Variants in EFR3B observed in about 807,000 individuals in gnomAD.
The protein encoded by EFR3B is EFR3 homolog B, also known as protein EFR3 homolog B.
Under a neutral mutation model 104.7 loss-of-function variants are expected in EFR3B, and 64 were observed. The ratio of observed to expected loss-of-function variants is 0.61; its 90% CI spans 0.50 to 0.75. The LOEUF (loss-of-function observed/expected upper bound fraction) is 0.75, where lower values mean the gene tolerates loss of function less well. Among genes scored for constraint, EFR3B ranks in the 30% least tolerant of loss-of-function variants. The probability of loss-of-function intolerance (pLI) is 0.00; values close to 1 mark genes in which losing one functional copy is unlikely to be tolerated. For synonymous variants in EFR3B, 385 were observed against 417.9 expected (o/e 0.92, Z 0.96); for missense variants, 750 against 1,078.5 (o/e 0.70, Z 4.27).
Position 25,114,952 on chromosome 2 carries a change from A to G in EFR3B, c.364-6721A>G. ...TGTAATCCCAGCACTTTGGGAAGCC[A>G]AGCTGGGTGGATCACTTGAGCCCAG... On this transcript the variant is annotated intron_variant, in intron 4 of 22. Transcript: ENST00000403714. This position sits in a 1 kb window ranked among gnomAD's most constrained non-coding sequence, Gnocchi z 4.0. 6.6e-6 allele frequency among the ~76,000 whole-genome samples: 1 copy of G among 152,172 alleles called. No homozygotes were observed. The highest frequency in any genetic ancestry group is 2.1e-4 in the South Asian group (1 of 4,832).
chr2:25,144,070 G>A (rs62143010), intron 18 of EFR3B, among the ~76,000 whole-genome samples: 1 of 152,166 alleles, frequency 6.6e-6, no homozygotes, highest in Non-Finnish European at 1.5e-5. Context: ...GAAGTACCTG[G>A]CCCATGAGAT....
rs1490867998 is a variant in EFR3B, at chr2:25,154,370, T to TG, written c.*34dup. 7.7e-5 allele frequency: 119 copies of TG among 1,543,690 alleles called. No individual in the cohort carries two copies. Among genetic ancestry groups the TG allele is most frequent in the Non-Finnish European group, 1.0e-4 (114 of 1,139,704 alleles). ...CAAGAGCCTGAGCTCCTCAAGGAGA[T>TG]GGGGTCTGAGGAGGGGCTCACCTCA... is the stretch of plus-strand genomic sequence containing the variant. On this transcript the variant is annotated 3_prime_UTR_variant, in exon 23 of 23. Transcript: ENST00000403714. This position sits in a 1 kb window ranked among gnomAD's most constrained non-coding sequence, Gnocchi z 4.1.
intron 3 of EFR3B, among the ~76,000 whole-genome samples, chr2:25,101,272 G>A (rs1182232604): frequency 6.6e-6 from 1 of 152,178 alleles, no homozygotes; most frequent in African/African-American, 2.4e-5. Context: ...GAAAGAGAAA[G>A]GACACAGAGG....
intron 1 of EFR3B, among the ~76,000 whole-genome samples, chr2:25,072,181 C>T (rs752067088): frequency 5.3e-5 from 8 of 152,236 alleles, no homozygotes; most frequent in Non-Finnish European, 1.2e-4. Context: ...TGCGTGTTGG[C>T]AGTTGTGGAC....
rs1008084050 is a variant in EFR3B, at chr2:25,158,334, G to A, written c.*3994G>A. The A allele has an allele frequency of 6.6e-6, 1 of 152,404 alleles. No homozygotes were observed. Among genetic ancestry groups the A allele is most frequent in the South Asian group, 2.1e-4 (1 of 4,834 alleles). The allele number at this position is 152,404 out of a possible 1,614,324, so 9.4% of individuals were successfully genotyped here. ...CACTAGGTTTAAAGGTAGACAGGGA[G>A]ATGGCATCATCAGGGCAGGCCAGGC... On this transcript the variant is annotated 3_prime_UTR_variant, in exon 23 of 23. Transcript: ENST00000403714.
Position 25,042,850 on chromosome 2 carries a change from C to G in EFR3B, c.7+531C>G, listed in dbSNP as rs144351091. On this transcript the variant is annotated intron_variant, in intron 1 of 22. Transcript: ENST00000403714. This position sits in a 1 kb window ranked among gnomAD's most constrained non-coding sequence, Gnocchi z 5.4. ...GGACTCGGCCTCTGCCTGCCCCTGCCGCCCCGCGGGATCCAGGTTCACCAA... is the reference window on the plus strand; with the variant it reads ...GGACTCGGCCTCTGCCTGCCCCTGCGGCCCCGCGGGATCCAGGTTCACCAA... Among the ~76,000 whole-genome samples, 2 of 152,178 alleles carry G rather than the reference C, an allele frequency of 1.3e-5. No individual in the cohort carries two copies. The highest frequency in any genetic ancestry group is 2.9e-5 in the Non-Finnish European group (2 of 68,004).
chr2:25,131,918 C>CGCGGGGCCGGGGCGGG lies in EFR3B; in HGVS notation c.1147+18_1147+19insGCGGGGCGGGGCCGGG. 8.3e-7 allele frequency: 1 copy of CGCGGGGCCGGGGCGGG among 1,206,512 alleles called. No homozygotes were observed. Among genetic ancestry groups the CGCGGGGCCGGGGCGGG allele is most frequent in the Non-Finnish European group, 1.1e-6 (1 of 939,736 alleles). 74.7% of individuals were successfully genotyped at this position (1,206,512 alleles called of 1,614,324 possible). ...GCCGTCATCAAGACCGTGGGTGCGG[C>CGCGGGGCCGGGGCGGG]GCGGGGCCGGGCCGGGGCGGGGCGG... On this transcript the variant is annotated splice_region_variant and intron_variant, in intron 10 of 22. Coordinates refer to ENST00000403714, the MANE Select transcript of EFR3B (RefSeq NM_014971.2). The surrounding 1 kb of genome is among the most constrained non-coding windows in gnomAD (Gnocchi z 7.6).
At chr2:25,112,265 G>A (rs533667206) in intron 4 of EFR3B, among the ~76,000 whole-genome samples, 12 of 152,402 alleles carry the variant, frequency 7.9e-5, no homozygotes, top group African/African-American at 2.4e-4. Flanking sequence ...GAGAGCAGAG[G>A]CAGCCAGCTG....
At position 25,055,970 on chromosome 2, in the gene EFR3B, G is replaced by C. The variant is rs184026483; in HGVS notation, c.7+13651G>C. Among the ~76,000 whole-genome samples the C allele has an allele frequency of 3.9e-5, 6 of 152,236 alleles. No homozygotes were observed. The East Asian group carries it at 1.2e-3, about 29-fold the overall frequency. ...AGCTTTGTTTTTCTAGCATCTAACCGGGAACTTTGGTATGTAGTAGTAAGA... is the reference window on the plus strand; with the variant it reads ...AGCTTTGTTTTTCTAGCATCTAACCCGGAACTTTGGTATGTAGTAGTAAGA... On this transcript the variant is annotated intron_variant, in intron 1 of 22. Transcript: ENST00000403714.
At position 25,042,191 on chromosome 2, in the gene EFR3B, C is replaced by T. The variant is rs1667591073; in HGVS notation, c.-122C>T. On this transcript the variant is annotated 5_prime_UTR_variant, in exon 1 of 23. Transcript: ENST00000403714. The surrounding 1 kb of genome is among the most constrained non-coding windows in gnomAD (Gnocchi z 5.4). ...CCCCCGCGTCTGCTCCCTCCCCGCCCGGGCCCCTGTCGGCCGCCGCCAGTC... is the reference window on the plus strand; with the variant it reads ...CCCCCGCGTCTGCTCCCTCCCCGCCTGGGCCCCTGTCGGCCGCCGCCAGTC... 5 of 1,021,748 alleles carry T rather than the reference C, an allele frequency of 4.9e-6. No individual in the cohort carries two copies. The highest frequency in any genetic ancestry group is 4.5e-5 in the South Asian group (1 of 22,222). The allele number at this position is 1,021,748 out of a possible 1,614,324, so 63.3% of individuals were successfully genotyped here. A position where few individuals can be genotyped will look rare whatever the true frequency, so the allele number is the denominator to read the frequency against.
rs1164383092 is a variant in EFR3B at position 25,156,357 on chromosome 2, G to GTGT, written c.*2018_*2020dup. 7.1e-6 allele frequency: 1 copy of GTGT among 141,300 alleles called. No individual in the cohort carries two copies. Among genetic ancestry groups the GTGT allele is most frequent in the Admixed American group, 7.3e-5 (1 of 13,688 alleles). 8.8% of individuals were successfully genotyped at this position (141,300 alleles called of 1,614,324 possible). On this transcript the variant is annotated 3_prime_UTR_variant, in exon 23 of 23. Transcript: ENST00000403714. ...CTGTCACCCAGGCTGGAGTACAATG[G>GTGT]TGTGACCTCAACTCACTGTGACTTC... is the stretch of plus-strand genomic sequence containing the variant.
intron 1 of EFR3B, among the ~76,000 whole-genome samples, chr2:25,064,534 T>C (rs1362618699): frequency 6.6e-6 from 1 of 152,188 alleles, no homozygotes; most frequent in East Asian, 1.9e-4. Flanking sequence ...AAATCCTGAT[T>C]TCTAACACTA....
intron 1 of EFR3B, among the ~76,000 whole-genome samples, chr2:25,060,187 C>T (rs925706931): frequency 6.6e-6 from 1 of 152,058 alleles, no homozygotes; most frequent in Non-Finnish European, 1.5e-5. Flanking sequence ...CAGAGCGAGA[C>T]TCCGTCTCAA....
Position 25,155,946 on chromosome 2 carries a change from C to T in EFR3B, c.*1606C>T, listed in dbSNP as rs1359294582. The T allele has an allele frequency of 6.6e-6, 1 of 151,988 alleles. No individual in the cohort carries two copies. Among genetic ancestry groups the T allele is most frequent in the East Asian group, 1.9e-4 (1 of 5,182 alleles). The allele number at this position is 151,988 out of a possible 1,614,324, so 9.4% of individuals were successfully genotyped here. ...GTTTAAGTGATTCTCCCACCTCAGCCTCCTGAGTAGCTGAGAATCCCTTTT... is the reference window on the plus strand; with the variant it reads ...GTTTAAGTGATTCTCCCACCTCAGCTTCCTGAGTAGCTGAGAATCCCTTTT... On this transcript the variant is annotated 3_prime_UTR_variant, in exon 23 of 23. Coordinates refer to ENST00000403714, the MANE Select transcript of EFR3B (RefSeq NM_014971.2).
At chr2:25,067,786 T>C (rs890897265) in intron 1 of EFR3B, among the ~76,000 whole-genome samples, 3 of 152,182 alleles carry the variant, frequency 2.0e-5, no homozygotes, top group Non-Finnish European at 4.4e-5. Flanking sequence ...ATTGCATGGC[T>C]GTTCCCTGCC....
At position 25,042,151 on chromosome 2, in the gene EFR3B, C is replaced by T. The variant is rs1196154042; in HGVS notation, c.-162C>T. 1 of 623,398 alleles carries T rather than the reference C, an allele frequency of 1.6e-6. No individual in the cohort carries two copies. Among genetic ancestry groups the T allele is most frequent in the Admixed American group, 4.7e-5 (1 of 21,158 alleles). The allele number at this position is 623,398 out of a possible 1,614,324, so 38.6% of individuals were successfully genotyped here. The stretch of plus-strand genomic sequence containing the variant: ...ATGGGCTGGCGGCGCCCGGCTCCGT[C>T]CTGCCCGCGGCCGGCCCCCGCGTCT... On this transcript the variant is annotated 5_prime_UTR_variant, in exon 1 of 23. Transcript: ENST00000403714. The surrounding 1 kb of genome is among the most constrained non-coding windows in gnomAD (Gnocchi z 5.4).
intron 17 of EFR3B, among the ~76,000 whole-genome samples, chr2:25,143,030 G>A (rs190519602): frequency 2.0e-5 from 3 of 147,736 alleles, no homozygotes; most frequent in Non-Finnish European, 4.5e-5. Flanking sequence ...GGCGGGTCAC[G>A]AGGTCAGAAG....
At chr2:25,095,832 G>A (rs1360706658) in intron 3 of EFR3B, among the ~76,000 whole-genome samples, 2 of 152,146 alleles carry the variant, frequency 1.3e-5, no homozygotes, top group Admixed American at 6.5e-5. Flanking sequence ...TTATGTGGAT[G>A]TGTTACTTCC....
At chr2:25,069,853 C>T (rs187275194) in intron 1 of EFR3B, among the ~76,000 whole-genome samples, 3 of 152,290 alleles carry the variant, frequency 2.0e-5, no homozygotes, top group East Asian at 1.9e-4. Flanking sequence ...TGCGCCACCA[C>T]GCCTGGCTAA....
Sources: gnomAD v4.1 joint callset for allele counts (sites outside exome capture counted in the v4.1 genomes callset) on GRCh38, gnomAD v4.1.1 for gene constraint, Gnocchi (gnomAD v3.1) non-coding constraint, MANE v1.5 for transcripts, NCBI Gene and HGNC (gene_info 2026-07-23, HGNC 2026-07-21) for gene names.